Variants in PCBP3 observed in about 807,000 individuals in gnomAD.
PCBP3 encodes poly(rC)-binding protein 3.
In PCBP3, 25 loss-of-function variants were observed where a neutral mutation model predicts 52.7. The observed-to-expected ratio is 0.47, with a 90% CI of 0.35 to 0.66. PCBP3 has a LOEUF of 0.66. PCBP3 is among the 30% of genes least tolerant of loss of function. The pLI is 0.01. For missense variants in PCBP3, 391 were observed against 490.3 expected (o/e 0.80, Z 1.91); for synonymous variants, 162 against 183.0 (o/e 0.89, Z 0.93).
intron 2 of PCBP3, among the ~76,000 whole-genome samples, chr21:45,719,728 T>A (rs2084488534): frequency 6.6e-6 from 1 of 152,126 alleles, no homozygotes; most frequent in Non-Finnish European, 1.5e-5. Flanking sequence ...GAACTGTGAG[T>A]CAATTAAACT....
rs1190658596 is a variant in PCBP3, at chr21:45,805,664, G to T, written c.-125-44297G>T. Reference sequence around the variant, plus strand: ...GCAAGCACATTTTCACAGGGAGAGTGTGACTGGAAGGACCAGCCGTTGCTG... The same window carrying T: ...GCAAGCACATTTTCACAGGGAGAGTTTGACTGGAAGGACCAGCCGTTGCTG... On this transcript the variant is annotated intron_variant, in intron 4 of 17. Transcript: ENST00000681687. The surrounding 1 kb of genome is among the most constrained non-coding windows in gnomAD (Gnocchi z 4.6). 2.0e-5 allele frequency among the ~76,000 whole-genome samples: 3 copies of T among 152,238 alleles called. No homozygotes were observed. Among genetic ancestry groups the T allele is most frequent in the African/African-American group, 7.2e-5 (3 of 41,468 alleles).
At chr21:45,677,827 A>G (rs1352646287) in intron 2 of PCBP3, among the ~76,000 whole-genome samples, 1 of 152,178 alleles carries the variant, frequency 6.6e-6, no homozygotes, top group African/African-American at 2.4e-5. Flanking sequence ...TCTTTATAGC[A>G]TGGTTTACTG....
At chr21:45,745,511 C>A (rs530895194) in intron 3 of PCBP3, among the ~76,000 whole-genome samples, 2 of 152,274 alleles carry the variant, frequency 1.3e-5, no homozygotes, top group South Asian at 4.2e-4. Context: ...TGGAAGGAAC[C>A]CAGATGCACC....
rs577012388 is a variant in PCBP3 at position 45,704,158 on chromosome 21, G to A, written c.-199-31234G>A. Among the ~76,000 whole-genome samples, 45 of 152,288 alleles carry A rather than the reference G, an allele frequency of 3.0e-4. No individual in the cohort carries two copies. Among genetic ancestry groups the A allele is most frequent in the South Asian group, 1.2e-3 (6 of 4,826 alleles). On this transcript the variant is annotated intron_variant, in intron 2 of 17. Coordinates refer to ENST00000681687, the MANE Select transcript of PCBP3 (RefSeq NM_001384156.1). This position sits in a 1 kb window ranked among gnomAD's most constrained non-coding sequence, Gnocchi z 4.1. ...CTGGTCAGCTGGAGGAAAGCCAAGG[G>A]GCACTGCCCAGCCGCTGAGTGGGTG...
In PCBP3 at chr21:45,937,965, G is replaced by T. The variant is rs542498291; in HGVS notation, c.910-2065G>T. 1.6e-3 allele frequency among the ~76,000 whole-genome samples: 246 copies of T among 152,364 alleles called. 1 individual carries two copies. The highest frequency in any genetic ancestry group is 5.7e-3 in the African/African-American group (236 of 41,576). The stretch of plus-strand genomic sequence containing the variant: ...CCCCACAGCTGTGTGCAGAGGAGGG[G>T]AAAGGCCTGTGGCAAAGGCAGCACC... On this transcript the variant is annotated intron_variant, in intron 16 of 17. Coordinates refer to ENST00000681687, the MANE Select transcript of PCBP3 (RefSeq NM_001384156.1).
intron 4 of PCBP3, among the ~76,000 whole-genome samples, chr21:45,823,187 T>C (rs1425304685): frequency 6.6e-6 from 1 of 152,224 alleles, no homozygotes. Flanking sequence ...TGGCACCTTT[T>C]GTGAAATGAC....
chr21:45,669,019 C>T (rs2080981423), intron 2 of PCBP3, 67 bp downstream of exon 2: 1 of 152,190 alleles, frequency 6.6e-6, no homozygotes, highest in South Asian at 2.1e-4. Context: ...AAGTTCCATG[C>T]ATCCCTGCCT....
intron 16 of PCBP3, among the ~76,000 whole-genome samples, chr21:45,937,325 G>T (rs921899225): frequency 3.3e-5 from 5 of 152,160 alleles, no homozygotes; most frequent in African/African-American, 9.7e-5. Flanking sequence ...GATCACTGTG[G>T]GCCTCCCTCA....
At chr21:45,768,061 T>A (rs2089519840) in intron 4 of PCBP3, among the ~76,000 whole-genome samples, 1 of 152,276 alleles carries the variant, frequency 6.6e-6, no homozygotes, top group Non-Finnish European at 1.5e-5. Context: ...GCTGCCACGA[T>A]GCACCAGCTT....
intron 2 of PCBP3, among the ~76,000 whole-genome samples, chr21:45,690,537 C>G (rs1389080662): frequency 6.6e-6 from 1 of 151,860 alleles, no homozygotes; most frequent in Non-Finnish European, 1.5e-5. Context: ...AATGAAAAGG[C>G]AAATAGAATG....
At chr21:45,726,435 G>A (rs1333827292) in intron 2 of PCBP3, among the ~76,000 whole-genome samples, 1 of 152,142 alleles carries the variant, frequency 6.6e-6, no homozygotes, top group Admixed American at 6.5e-5. Flanking sequence ...GACTGGTGTG[G>A]TTGGAACTCC....
intron 4 of PCBP3, among the ~76,000 whole-genome samples, chr21:45,849,223 G>A (rs1017586101): frequency 2.1e-5 from 3 of 140,398 alleles, no homozygotes; most frequent in South Asian, 2.3e-4. Flanking sequence ...TTTTTGAGAC[G>A]GAGTCTCACT....
intron 2 of PCBP3, among the ~76,000 whole-genome samples, chr21:45,698,261 C>T (rs1011208647): frequency 1.3e-5 from 2 of 152,166 alleles, no homozygotes; most frequent in Non-Finnish European, 2.9e-5. Context: ...TCTGACACTC[C>T]ACATTGTTTG....
rs1264438427 is a variant in PCBP3 at position 45,814,846 on chromosome 21, GTGAGTGGTGAGTGA to G, written c.-125-35104_-125-35091del. On this transcript the variant is annotated intron_variant, in intron 4 of 17. Transcript: ENST00000681687. ...GTGGTGAGTGAGTGGTGAATGATGA[GTGAGTGGTGAGTGA>G]TGAGTGGTGACTGGTGAGTGAGTGG... Among the ~76,000 whole-genome samples, 1,202 of 130,000 alleles carry G rather than the reference GTGAGTGGTGAGTGA, an allele frequency of 9.2e-3. 62 individuals carry two copies. The highest frequency in any genetic ancestry group is 0.025 in the African/African-American group (774 of 30,912). The allele number at this position is 130,000 out of a possible 152,430, so 85.3% of individuals were successfully genotyped here. A position where few individuals can be genotyped will look rare whatever the true frequency, so the allele number is the denominator to read the frequency against.
At chr21:45,840,788 AT>A (rs1244816571) in intron 4 of PCBP3, among the ~76,000 whole-genome samples, 2 of 152,070 alleles carry the variant, frequency 1.3e-5, no homozygotes, top group Non-Finnish European at 2.9e-5. Context: ...CTAATTTTAA[AT>A]TTTTTTGTAG....
chr21:45,862,974 C>T (rs2094566419), intron 5 of PCBP3, among the ~76,000 whole-genome samples: 2 of 152,222 alleles, frequency 1.3e-5, no homozygotes, highest in Non-Finnish European at 2.9e-5. Flanking sequence ...TACCTCCTCT[C>T]TTGGCCCCGA....
chr21:45,812,501 G>C (rs766968065), intron 4 of PCBP3, among the ~76,000 whole-genome samples: 3 of 152,192 alleles, frequency 2.0e-5, no homozygotes, highest in African/African-American at 7.2e-5. Flanking sequence ...TGCCTCCCGA[G>C]TTCAAGCGAT....
chr21:45,786,223 G>A (rs898822602), intron 4 of PCBP3, among the ~76,000 whole-genome samples: 1 of 150,614 alleles, frequency 6.6e-6, no homozygotes, highest in Non-Finnish European at 1.5e-5. Flanking sequence ...GTGCCAGTGA[G>A]CTCTGCATAA....
At chr21:45,842,262 G>A (rs1289791850) in intron 4 of PCBP3, among the ~76,000 whole-genome samples, 1 of 152,192 alleles carries the variant, frequency 6.6e-6, no homozygotes, top group Non-Finnish European at 1.5e-5. Flanking sequence ...GAGACTACAA[G>A]TACGATTTGG....
Sources: gnomAD v4.1 joint callset for allele counts (sites outside exome capture counted in the v4.1 genomes callset) on GRCh38, gnomAD v4.1.1 for gene constraint, Gnocchi (gnomAD v3.1) non-coding constraint, MANE v1.5 for transcripts, NCBI Gene and HGNC (gene_info 2026-07-23, HGNC 2026-07-21) for gene names.